The following PNLDC1 variants were observed in gnomAD, a reference collection of about 807,000 sequenced individuals.
PNLDC1 encodes PARN like ribonuclease domain containing exonuclease 1, also known as poly(A)-specific ribonuclease PNLDC1.
Under a neutral mutation model 82.0 loss-of-function variants are expected in PNLDC1, and 70 were observed. That is an observed-to-expected ratio of 0.85 (90% CI 0.70 to 1.04). The LOEUF is 1.04. Among genes scored for constraint, PNLDC1 ranks in the 50% least tolerant of loss-of-function variants. The pLI is 0.00. For synonymous variants in PNLDC1, 280 were observed against 249.3 expected, an observed-to-expected ratio of 1.12 and a Z score of -1.16; for missense variants, 631 against 661.1, an observed-to-expected ratio of 0.95 and a Z score of 0.50.
intron 6 of PNLDC1, among the ~76,000 whole-genome samples, chr6:159,805,040 G>C (rs1781397955): frequency 6.6e-6 from 1 of 152,198 alleles, no homozygotes. Flanking sequence ...ATATCTCTCG[G>C]GCAACCTTGA....
At position 159,800,830 on chromosome 6, in the gene PNLDC1, G is replaced by C; in HGVS notation, c.134+1G>C. On this transcript the variant is annotated splice_donor_variant, in intron 2 of 18. Coordinates refer to ENST00000392167, the MANE Select transcript of PNLDC1 (RefSeq NM_001271862.2). LOFTEE classifies it high-confidence loss of function. ...ACCTGTCTGGGCCCCAGCAGATCAGGTAAAACTAAAGCTGTGTCCCCTCTG... is the reference window on the plus strand; with the variant it reads ...ACCTGTCTGGGCCCCAGCAGATCAGCTAAAACTAAAGCTGTGTCCCCTCTG... 1 of 1,614,136 alleles carries C rather than the reference G, an allele frequency of 6.2e-7. No individual in the cohort carries two copies. The highest frequency in any genetic ancestry group is 2.2e-5 in the East Asian group (1 of 44,874).
intron 1 of PNLDC1, 22 bp from the exon 2 acceptor site, chr6:159,800,750 C>G: frequency 6.2e-7 from 1 of 1,614,192 alleles, no homozygotes; most frequent in Non-Finnish European, 8.5e-7. Context: ...CCGAGGACTG[C>G]TATTTTTTGC....
chr6:159,809,826 A>G (rs545344158), intron 9 of PNLDC1, among the ~76,000 whole-genome samples, 200 bp from the exon 10 acceptor site: 1 of 152,208 alleles, frequency 6.6e-6, no homozygotes, highest in East Asian at 1.9e-4. Flanking sequence ...CTACTTGTGA[A>G]TTGTTTTCTT....
intron 3 of PNLDC1, among the ~76,000 whole-genome samples, chr6:159,802,824 C>T (rs1016053500): frequency 4.0e-5 from 6 of 151,834 alleles, no homozygotes; most frequent in African/African-American, 1.2e-4. Flanking sequence ...CTCAAGTGAT[C>T]CACCTGCCTA....
chr6:159,816,487 G>A (rs947893126), intron 13 of PNLDC1, 56 bp from the exon 14 acceptor site: 83 of 1,499,136 alleles, frequency 5.5e-5, no homozygotes, highest in Non-Finnish European at 7.0e-5. Flanking sequence ...AGCTAGGATG[G>A]GGCGTGTTTC....
At chr6:159,806,159 A>G in intron 7 of PNLDC1, 76 bp downstream of exon 7, 1 of 1,142,154 alleles carries the variant, frequency 8.8e-7, no homozygotes. Flanking sequence ...TGGGGGAAAC[A>G]CACCCTTTCT....
intron 12 of PNLDC1, among the ~76,000 whole-genome samples, chr6:159,813,961 T>TGC (rs1323239403): frequency 6.6e-6 from 1 of 152,304 alleles, no homozygotes; most frequent in East Asian, 1.9e-4. Flanking sequence ...ACCTTCCCTG[T>TGC]GCAAGGCCAG....
At chr6:159,800,125 A>G, upstream of PNLDC1, 1 of 541,724 alleles carries the variant, frequency 1.8e-6, no homozygotes. Flanking sequence ...CGTACAATTA[A>G]AACACCCGCA....
At chr6:159,816,158 C>CACCCGCCACACCCCT in intron 13 of PNLDC1, 125 bp downstream of exon 13, 1 of 445,746 alleles carries the variant, frequency 2.2e-6, no homozygotes, top group African/African-American at 2.9e-5. Context: ...CCTCCCCACC[C>CACCCGCCACACCCCT]CCCCACACCC....
chr6:159,807,541 G>C (rs1781492587), intron 7 of PNLDC1, among the ~76,000 whole-genome samples: 1 of 152,256 alleles, frequency 6.6e-6, no homozygotes, highest in Non-Finnish European at 1.5e-5. Context: ...CAACCTTTCT[G>C]ATGAGATCAG....
intron 8 of PNLDC1, 89 bp from the exon 9 acceptor site, chr6:159,808,926 C>T (rs534803608): frequency 6.3e-7 from 1 of 1,587,490 alleles, no homozygotes; most frequent in Admixed American, 1.7e-5. Context: ...AGTTTTTCCC[C>T]CTTTCCTTTT....
intron 12 of PNLDC1, among the ~76,000 whole-genome samples, chr6:159,814,984 A>G (rs967946247): frequency 2.0e-5 from 3 of 152,192 alleles, no homozygotes; most frequent in African/African-American, 7.2e-5. Flanking sequence ...AGATGGGGAC[A>G]TTAGGGGTCA....
chr6:159,801,632 G>A (rs1279199199), intron 3 of PNLDC1, among the ~76,000 whole-genome samples: 1 of 152,096 alleles, frequency 6.6e-6, no homozygotes, highest in Non-Finnish European at 1.5e-5. Context: ...TTTTTGTTCA[G>A]ATGGGTTTTC....
chr6:159,808,828 C>A lies in PNLDC1; in HGVS notation c.639+12C>A. The A allele has an allele frequency of 1.2e-6, 2 of 1,613,656 alleles. No homozygotes were observed. Among genetic ancestry groups the A allele is most frequent in the Non-Finnish European group, 1.7e-6 (2 of 1,179,616 alleles). On this transcript the variant is annotated intron_variant, in intron 8 of 18. Transcript: ENST00000392167. The stretch of plus-strand genomic sequence containing the variant: ...TGAAAGATGAGGGGGTGAGTTCTCA[C>A]TGCGAACGGGGCATCAGTGGCTCCA...
chr6:159,820,378 A>AG (rs1781998990), intron 18 of PNLDC1, 76 bp from the exon 19 acceptor site: 1 of 1,392,910 alleles, frequency 7.2e-7, no homozygotes, highest in Admixed American at 1.7e-5. Flanking sequence ...GCTGGGAAGG[A>AG]GGAGGGGCAA....
chr6:159,803,941 C>G (rs1562496862), intron 4 of PNLDC1, 24 bp from the exon 5 acceptor site: 2 of 1,595,836 alleles, frequency 1.3e-6, no homozygotes, highest in Non-Finnish European at 1.7e-6. Context: ...GTGGCTTTTT[C>G]TCTGTATGTT....
At position 159,819,286 on chromosome 6, in the gene PNLDC1, A is replaced by G; in HGVS notation, c.1466A>G (p.His489Arg). Residue 489 changes from histidine (H) to arginine (R), a missense_variant, in exon 18 of 19, where the codon CAC (histidine) becomes CGC (arginine). Transcript: ENST00000392167. This position sits in a 1 kb window ranked among gnomAD's most constrained non-coding sequence, Gnocchi z 4.6. ...ARNILKEYRD[H>R]PTLCISLYRY... ...AACATCCTGAAGGAGTACCGGGACCACCCGACCCTGTGCATCTCCCTGTAC... is the reference window on the plus strand; with the variant it reads ...AACATCCTGAAGGAGTACCGGGACCGCCCGACCCTGTGCATCTCCCTGTAC... 1 of 1,613,434 alleles carries G rather than the reference A, an allele frequency of 6.2e-7. No individual in the cohort carries two copies. The highest frequency in any genetic ancestry group is 8.5e-7 in the Non-Finnish European group (1 of 1,179,650).
chr6:159,820,571 G>T lies in PNLDC1; in HGVS notation c.*54G>T. 12 of 1,517,998 alleles carry T rather than the reference G, an allele frequency of 7.9e-6. No individual in the cohort carries two copies. Among genetic ancestry groups the T allele is most frequent in the Non-Finnish European group, 1.1e-5 (12 of 1,094,024 alleles). 94.0% of individuals were successfully genotyped at this position (1,517,998 alleles called of 1,614,324 possible). A position where few individuals can be genotyped will look rare whatever the true frequency, so the allele number is the denominator to read the frequency against. ...CGGGTCCCCATGCTCTCTGGGAGGT[G>T]TGCTGGGTGTGTTCGTGTAAATCAG... On this transcript the variant is annotated 3_prime_UTR_variant, in exon 19 of 19. Transcript: ENST00000392167.
In PNLDC1 at chr6:159,812,144, C is replaced by A. The variant is rs186071313; in HGVS notation, c.939+358C>A. On this transcript the variant is annotated intron_variant, in intron 11 of 18. Coordinates refer to ENST00000392167, the MANE Select transcript of PNLDC1 (RefSeq NM_001271862.2). ...CTTGATCTCCTGACCTCATGATCCA[C>A]CCGCCTCGGCCTCCCAAAGTGCTGG... Among the ~76,000 whole-genome samples, 908 of 152,278 alleles carry A rather than the reference C, an allele frequency of 6.0e-3. 10 individuals are homozygous for A. Among genetic ancestry groups the A allele is most frequent in the African/African-American group, 0.021 (874 of 41,542 alleles).
Sources: gnomAD v4.1 joint callset for allele counts (sites outside exome capture counted in the v4.1 genomes callset) on GRCh38, gnomAD v4.1.1 for gene constraint, Gnocchi (gnomAD v3.1) non-coding constraint, MANE v1.5 for transcripts, NCBI Gene and HGNC (gene_info 2026-07-23, HGNC 2026-07-21) for gene names.